Variants in PCDHA2 observed in about 807,000 individuals in gnomAD.
PCDHA2 encodes protocadherin alpha 2.
PCDHA2 carries 58 observed loss-of-function variants against 66.0 expected under a neutral mutation model. That is an observed-to-expected ratio of 0.88 (90% CI 0.71 to 1.09). The LOEUF (loss-of-function observed/expected upper bound fraction) is 1.09, where lower values mean the gene tolerates loss of function less well. Ranked by LOEUF, PCDHA2 falls within the 50% of genes least tolerant of loss-of-function variation. PCDHA2 has a pLI of 0.00. For synonymous variants in PCDHA2, 634 were observed against 554.0 expected (o/e 1.14, Z -2.03); for missense variants, 1,267 against 1,242.3 (o/e 1.02, Z -0.30).
intron 1 of PCDHA2, among the ~76,000 whole-genome samples, chr5:140,945,334 A>G (rs1352254498): frequency 6.6e-6 from 1 of 152,134 alleles, no homozygotes; most frequent in Non-Finnish European, 1.5e-5. Flanking sequence ...TTTTATGTTC[A>G]TAGCTTGGAA....
intron 1 of PCDHA2, among the ~76,000 whole-genome samples, chr5:140,931,209 A>G (rs1554208285): frequency 6.6e-6 from 1 of 152,184 alleles, no homozygotes; most frequent in African/African-American, 2.4e-5. Flanking sequence ...CTAGTATTTC[A>G]GGTATCAGAG....
At chr5:140,977,263 TAC>T (rs1466968557) in intron 1 of PCDHA2, among the ~76,000 whole-genome samples, 4 of 152,230 alleles carry the variant, frequency 2.6e-5, no homozygotes, top group Admixed American at 1.3e-4. Flanking sequence ...CAGCAGATGT[TAC>T]AGTCTTTCTC....
intron 1 of PCDHA2, chr5:140,828,492 C>T (rs139629080): frequency 6.2e-6 from 10 of 1,614,162 alleles, no homozygotes; most frequent in Non-Finnish European, 8.5e-6. Flanking sequence ...CCCTTGTTCC[C>T]GGTAGAGGAA....
At position 140,848,824 on chromosome 5, in the gene PCDHA2, T is replaced by C. The variant is rs2150421709; in HGVS notation, c.2388+51472T>C. On this transcript the variant is annotated intron_variant, in intron 1 of 3. Coordinates refer to ENST00000526136, the MANE Select transcript of PCDHA2 (RefSeq NM_018905.3). ...TGCAGCATCCACCTGGAGGTGATCG[T>C]AGACAGGCCGCTGCAGGTTTTCCAT... 7.5e-6 allele frequency: 12 copies of C among 1,590,566 alleles called. 1 individual carries two copies. In the Middle Eastern group the frequency reaches 1.4e-3, roughly 180 times the overall value.
At chr5:140,807,966 T>C (rs782778842) in intron 1 of PCDHA2, 1 of 1,613,986 alleles carries the variant, frequency 6.2e-7, no homozygotes, top group South Asian at 1.1e-5. Flanking sequence ...AATGGAACAT[T>C]GGTAATTAAA....
intron 3 of PCDHA2, among the ~76,000 whole-genome samples, chr5:140,993,767 G>A (rs115607244): frequency 3.3e-5 from 5 of 152,010 alleles, no homozygotes; most frequent in Non-Finnish European, 7.4e-5. Context: ...TTACAATTGC[G>A]CAGTATTTTG....
intron 1 of PCDHA2, chr5:140,877,662 C>T: frequency 6.2e-7 from 1 of 1,613,558 alleles, no homozygotes; most frequent in Non-Finnish European, 8.5e-7. Context: ...CCACCGTGAG[C>T]CGGTGCGCGC....
chr5:140,844,531 T>C (rs1779420037), intron 1 of PCDHA2, among the ~76,000 whole-genome samples: 1 of 149,526 alleles, frequency 6.7e-6, no homozygotes, highest in African/African-American at 2.4e-5. Context: ...ACTCTAATCA[T>C]TCAACCCTTT....
intron 1 of PCDHA2, chr5:140,876,573 C>T (rs2056433061): frequency 6.2e-7 from 1 of 1,614,152 alleles, no homozygotes; most frequent in South Asian, 1.1e-5. Context: ...AGGTGGGTAC[C>T]GTCATTGCCC....
At chr5:140,877,403 G>C (rs199806507) in intron 1 of PCDHA2, 1 of 1,613,770 alleles carries the variant, frequency 6.2e-7, no homozygotes, top group Non-Finnish European at 8.5e-7. Context: ...GACGCTCCGC[G>C]CCACCGCCTG....
intron 1 of PCDHA2, among the ~76,000 whole-genome samples, chr5:140,914,392 AC>A (rs1554196309): frequency 6.6e-6 from 1 of 151,928 alleles, no homozygotes; most frequent in Non-Finnish European, 1.5e-5. Flanking sequence ...AAGTGTAGTT[AC>A]CCCTGCTCCT....
chr5:140,967,012 G>A, intron 1 of PCDHA2: 1 of 1,606,776 alleles, frequency 6.2e-7, no homozygotes, highest in Non-Finnish European at 8.5e-7. Flanking sequence ...TCAACCATCT[G>A]GGTGCGCCCA....
At chr5:140,854,178 A>G (rs2043021755) in intron 1 of PCDHA2, 4 of 531,272 alleles carry the variant, frequency 7.5e-6, no homozygotes, top group African/African-American at 2.1e-5. Flanking sequence ...AAAAAAAAAG[A>G]GTAGTTTAAC....
intron 1 of PCDHA2, among the ~76,000 whole-genome samples, chr5:140,846,420 G>A (rs1780468336): frequency 7.9e-6 from 1 of 125,998 alleles, no homozygotes; most frequent in African/African-American, 3.0e-5. Context: ...TATCTCCCAG[G>A]CTGGAATGCA....
At chr5:140,927,639 G>T in intron 1 of PCDHA2, 11 of 1,614,194 alleles carry the variant, frequency 6.8e-6, no homozygotes, top group Non-Finnish European at 9.3e-6. Flanking sequence ...CACCCAATGG[G>T]ACTGTGTTAT....
intron 1 of PCDHA2, chr5:140,830,203 C>T: frequency 6.2e-7 from 1 of 1,613,778 alleles, no homozygotes; most frequent in Non-Finnish European, 8.5e-7. Context: ...TCATCGCCAT[C>T]TGCGCGGTAT....
rs782180138 is a variant in PCDHA2, at chr5:140,856,292, A to G, written c.2388+58940A>G. 5 of 1,598,490 alleles carry G rather than the reference A, an allele frequency of 3.1e-6. 1 individual carries two copies. The stretch of plus-strand genomic sequence containing the variant: ...TCTGGAGGTAAATCTGCAGAATGGC[A>G]TTTTGTTTGTGAATTCTCGGATTGA... On this transcript the variant is annotated intron_variant, in intron 1 of 3. Transcript: ENST00000526136.
In PCDHA2 at chr5:140,871,059, T is replaced by A. The variant is rs781936875; in HGVS notation, c.2388+73707T>A. 4.3e-6 allele frequency: 7 copies of A among 1,613,256 alleles called. No homozygotes were observed. In the South Asian group the frequency reaches 7.7e-5, roughly 18 times the overall value. On this transcript the variant is annotated intron_variant, in intron 1 of 3. Transcript: ENST00000526136. ...ACCGACTTCTAGTACTGGTGAAGGA[T>A]CACGGTGAGCCGGCGCTGACGGCCA...
intron 1 of PCDHA2, among the ~76,000 whole-genome samples, chr5:140,912,495 GC>G (rs2075942069): frequency 6.6e-6 from 1 of 152,084 alleles, no homozygotes. Context: ...AGATCTAGGA[GC>G]TTTTTGGATG....
Sources: gnomAD v4.1 joint callset for allele counts (sites outside exome capture counted in the v4.1 genomes callset) on GRCh38, gnomAD v4.1.1 for gene constraint, MANE v1.5 for transcripts, NCBI Gene and HGNC (gene_info 2026-07-23, HGNC 2026-07-21) for gene names.